NREP: variants seen among roughly 807,000 people sequenced by gnomAD.
NREP encodes neuronal regeneration related protein.
NREP carries 5 observed loss-of-function variants against 8.6 expected under a neutral mutation model. The ratio of observed to expected loss-of-function variants is 0.58; its 90% CI spans 0.30 to 1.22. NREP has a LOEUF of 1.22. Among genes scored for constraint, NREP ranks in the 50% most tolerant of loss-of-function variants. The probability of loss-of-function intolerance (pLI) is 0.07; values close to 1 mark genes in which losing one functional copy is unlikely to be tolerated. For missense variants in NREP, 86 were observed against 82.5 expected (o/e 1.04, Z -0.17); for synonymous variants, 27 against 28.0 (o/e 0.96, Z 0.11).
intron 2 of NREP, among the ~76,000 whole-genome samples, chr5:111,816,677 G>C (rs1752391862): frequency 6.8e-6 from 1 of 147,498 alleles, no homozygotes; most frequent in Non-Finnish European, 1.5e-5. Flanking sequence ...AAAGGAAATG[G>C]AATGATAAAA....
chr5:111,883,161 G>A (rs1266455888), intron 2 of NREP, among the ~76,000 whole-genome samples: 2 of 152,222 alleles, frequency 1.3e-5, no homozygotes, highest in Admixed American at 1.3e-4. Flanking sequence ...AACAAAAAAA[G>A]GCAGGGGTTG....
chr5:111,905,025 T>C (rs1754745591), intron 2 of NREP, among the ~76,000 whole-genome samples: 1 of 152,072 alleles, frequency 6.6e-6, no homozygotes, highest in South Asian at 2.1e-4. Flanking sequence ...CATTCTGAAA[T>C]AAGGTTATGT....
chr5:111,898,854 A>T (rs1754575153), intron 2 of NREP, among the ~76,000 whole-genome samples: 1 of 152,134 alleles, frequency 6.6e-6, no homozygotes, highest in South Asian at 2.1e-4. Context: ...CAAATTGTTA[A>T]CTCACTTATA....
At position 111,923,668 on chromosome 5, in the gene NREP, C is replaced by G. The variant is rs1030500270; in HGVS notation, c.135+51606G>C. On this transcript the variant is annotated intron_variant, in intron 2 of 3. Coordinates refer to the NREP transcript ENST00000395634. ...ACTGCTGCAACTGCCCAGAGGCAGG[C>G]TGGCTATCCTTTAGCCACCAGGTTC... Among the ~76,000 whole-genome samples, 7 of 152,326 alleles carry G rather than the reference C, an allele frequency of 4.6e-5. No homozygotes were observed. The East Asian group carries it at 9.7e-4, about 21-fold the overall frequency.
intron 3 of NREP, 62 bp from the exon 4 acceptor site, chr5:111,731,108 T>C: frequency 6.3e-7 from 1 of 1,579,290 alleles, no homozygotes; most frequent in South Asian, 1.1e-5. Flanking sequence ...TAGTCATGCT[T>C]CTGAAACCAT....
chr5:111,915,612 A>G (rs946900956), intron 2 of NREP, among the ~76,000 whole-genome samples: 1 of 152,080 alleles, frequency 6.6e-6, no homozygotes, highest in African/African-American at 2.4e-5. Context: ...AGACACAGCT[A>G]CCATTTTGGC....
chr5:111,920,954 C>T (rs1482258285), intron 2 of NREP, among the ~76,000 whole-genome samples: 1 of 152,072 alleles, frequency 6.6e-6, no homozygotes, highest in Non-Finnish European at 1.5e-5. Context: ...ACAGGAGGCC[C>T]CTTTCTGTGT....
In NREP at chr5:111,913,469, G is replaced by C. The variant is rs80268442; in HGVS notation, c.135+61805C>G. Among the ~76,000 whole-genome samples the C allele has an allele frequency of 1.9e-3, 290 of 152,080 alleles. 2 individuals carry two copies. The highest frequency in any genetic ancestry group is 6.8e-3 in the African/African-American group (282 of 41,500). ...ATGGAACCCAGCATCACTATATTTT[G>C]ATGTGAGAAAAGGAAGTTGAAAAGA... On this transcript the variant is annotated intron_variant, in intron 2 of 3. Transcript: ENST00000395634.
chr5:111,801,787 C>T (rs140730357), intron 2 of NREP, among the ~76,000 whole-genome samples: 3 of 152,202 alleles, frequency 2.0e-5, no homozygotes, highest in East Asian at 3.9e-4. Context: ...AAGTTTTATA[C>T]TTCTTATAAT....
intron 2 of NREP, among the ~76,000 whole-genome samples, chr5:111,794,222 G>A (rs1172794446): frequency 1.4e-4 from 22 of 152,152 alleles, no homozygotes; most frequent in Non-Finnish European, 2.5e-4. Flanking sequence ...TTGCTGTTCA[G>A]AATGCAAATG....
chr5:111,944,651 G>C (rs1755926905), intron 2 of NREP, among the ~76,000 whole-genome samples: 1 of 152,050 alleles, frequency 6.6e-6, no homozygotes, highest in Non-Finnish European at 1.5e-5. Context: ...CTAAATTCTT[G>C]AATATCTGTT....
intron 2 of NREP, among the ~76,000 whole-genome samples, chr5:111,752,149 T>C (rs973252504): frequency 3.3e-5 from 5 of 152,242 alleles, no homozygotes; most frequent in African/African-American, 1.2e-4. Context: ...TTCTTCAATG[T>C]ATTTATGATG....
chr5:111,866,585 G>C (rs1753669236), intron 2 of NREP, among the ~76,000 whole-genome samples: 1 of 152,124 alleles, frequency 6.6e-6, no homozygotes, highest in South Asian at 2.1e-4. Flanking sequence ...AAGTCGGTGT[G>C]GCAATTCCTC....
intron 2 of NREP, among the ~76,000 whole-genome samples, chr5:111,913,435 C>A (rs1004728915): frequency 6.6e-6 from 1 of 151,980 alleles, no homozygotes; most frequent in African/African-American, 2.4e-5. Context: ...AAAGAATGAC[C>A]TTGAATAAAT....
chr5:111,836,633 A>T (rs544794815), intron 2 of NREP, among the ~76,000 whole-genome samples: 1 of 152,126 alleles, frequency 6.6e-6, no homozygotes, highest in South Asian at 2.1e-4. Context: ...CAGTGCCTTG[A>T]ATCTCCCAGA....
intron 2 of NREP, among the ~76,000 whole-genome samples, chr5:111,917,912 T>G (rs1457486079): frequency 6.6e-6 from 1 of 152,102 alleles, no homozygotes. Context: ...AAAGAGGAAG[T>G]CAAATTGTCT....
rs139131312 is a variant in NREP, at chr5:111,892,680, T to C, written c.135+82594A>G. On this transcript the variant is annotated intron_variant, in intron 2 of 3. Transcript: ENST00000395634. ...GGAAATGTGGGTTAAAACTTTGGCA[T>C]GCAGTTTGCCTACGATCTAATATAA... Among the ~76,000 whole-genome samples the C allele has an allele frequency of 2.5e-3, 380 of 152,300 alleles. 1 individual carries two copies. The highest frequency in any genetic ancestry group is 0.01 in the Middle Eastern group (3 of 294).
intron 2 of NREP, among the ~76,000 whole-genome samples, chr5:111,884,886 G>C (rs1022340266): frequency 8.5e-5 from 13 of 152,066 alleles, no homozygotes; most frequent in South Asian, 2.1e-4. Flanking sequence ...TGGGCAAAAA[G>C]TGGAAGCATT....
chr5:111,745,807 A>G (rs954223561), intron 2 of NREP, among the ~76,000 whole-genome samples: 27 of 152,170 alleles, frequency 1.8e-4, no homozygotes, highest in African/African-American at 6.3e-4. Flanking sequence ...CAGTATATAA[A>G]CTACTAAGAA....
Sources: allele counts gnomAD v4.1 joint callset (sites outside exome capture counted in the v4.1 genomes callset), GRCh38; gene constraint gnomAD v4.1.1; transcripts MANE v1.5; gene names NCBI Gene and HGNC (gene_info 2026-07-23, HGNC 2026-07-21).